Variants in CTIF observed in about 807,000 individuals in gnomAD.
CTIF encodes CBP80/20-dependent translation initiation factor.
Under a neutral mutation model 66.0 loss-of-function variants are expected in CTIF, and 21 were observed. The observed-to-expected ratio is 0.32, with a 90% CI of 0.23 to 0.46. CTIF has a LOEUF of 0.46. Ranked by LOEUF, CTIF falls within the 20% of genes least tolerant of loss-of-function variation. CTIF has a pLI of 1.00. For synonymous variants in CTIF, 345 were observed against 326.4 expected (o/e 1.06, Z -0.62); for missense variants, 739 against 812.7 (o/e 0.91, Z 1.10).
chr18:48,793,865 A>C (rs2067848963), intron 9 of CTIF, among the ~76,000 whole-genome samples: 1 of 152,220 alleles, frequency 6.6e-6, no homozygotes, highest in African/African-American at 2.4e-5. Flanking sequence ...ATTTCCAGGC[A>C]GCCAATACAC....
At chr18:48,787,159 G>T (rs1911783900) in intron 9 of CTIF, among the ~76,000 whole-genome samples, 1 of 152,076 alleles carries the variant, frequency 6.6e-6, no homozygotes, top group South Asian at 2.1e-4. Context: ...GGGGGCACCG[G>T]CCCAGAAGGA....
chr18:48,633,701 C>CAATAAATAAATAAATAAATA (rs59134064), intron 2 of CTIF, among the ~76,000 whole-genome samples: 23 of 146,004 alleles, frequency 1.6e-4, no homozygotes, highest in African/African-American at 4.4e-4. Context: ...GCCTCCATCT[C>CAATAAATAAATAAATAAATA]AATAAATAAA....
chr18:48,675,517 A>C (rs2091613592), intron 6 of CTIF, among the ~76,000 whole-genome samples: 1 of 152,328 alleles, frequency 6.6e-6, no homozygotes, highest in South Asian at 2.1e-4. Flanking sequence ...TTCACCGGCC[A>C]TGCCTCCTGG....
chr18:48,831,952 C>T (rs570197785), intron 10 of CTIF, among the ~76,000 whole-genome samples: 5 of 151,022 alleles, frequency 3.3e-5, no homozygotes, highest in Non-Finnish European at 7.4e-5. Flanking sequence ...CTGGACCAGG[C>T]GGTCTGGAGG....
At position 48,860,063 on chromosome 18, in the gene CTIF, G is replaced by A. The variant is rs535268867; in HGVS notation, c.*504G>A. 269 of 414,420 alleles carry A rather than the reference G, an allele frequency of 6.5e-4. 3 individuals carry two copies. Among genetic ancestry groups the A allele is most frequent in the South Asian group, 3.4e-3 (196 of 57,498 alleles). The allele number at this position is 414,420 out of a possible 1,614,324, so 25.7% of individuals were successfully genotyped here. A position where few individuals can be genotyped will look rare whatever the true frequency, so the allele number is the denominator to read the frequency against. The stretch of plus-strand genomic sequence containing the variant: ...AGCAGGCGACGTGTAGCAGATGTCC[G>A]GGAGGACAAAGGCAGGCACGGTCCC... On this transcript the variant is annotated 3_prime_UTR_variant, in exon 12 of 12. Coordinates refer to ENST00000256413, the MANE Select transcript of CTIF (RefSeq NM_014772.3).
chr18:48,715,934 G>A (rs2092276981), intron 7 of CTIF, among the ~76,000 whole-genome samples: 1 of 152,192 alleles, frequency 6.6e-6, no homozygotes, highest in African/African-American at 2.4e-5. Context: ...AAAGGGGCAG[G>A]CCTTGATACC....
At chr18:48,715,626 C>G (rs909022953) in intron 7 of CTIF, among the ~76,000 whole-genome samples, 1 of 152,204 alleles carries the variant, frequency 6.6e-6, no homozygotes. Flanking sequence ...AGGTCCCTCA[C>G]CGCTGGGGAG....
chr18:48,769,800 T>C (rs1476381262), intron 9 of CTIF, among the ~76,000 whole-genome samples: 1 of 152,276 alleles, frequency 6.6e-6, no homozygotes, highest in Admixed American at 6.5e-5. Context: ...TTATTTCTTC[T>C]CAACGCTTAT....
At chr18:48,645,285 A>AAAAG (rs1429886378) in intron 3 of CTIF, among the ~76,000 whole-genome samples, 3 of 151,492 alleles carry the variant, frequency 2.0e-5, no homozygotes, top group African/African-American at 7.3e-5. Context: ...AGGCAAAAAA[A>AAAAG]AAAAAAAATC....
At chr18:48,844,036 A>G (rs1390407340) in intron 10 of CTIF, among the ~76,000 whole-genome samples, 1 of 152,268 alleles carries the variant, frequency 6.6e-6, no homozygotes, top group African/African-American at 2.4e-5. Context: ...CAAAATATGT[A>G]AGCCAGGTGA....
At chr18:48,772,339 C>T (rs1910231251) in intron 9 of CTIF, among the ~76,000 whole-genome samples, 1 of 152,092 alleles carries the variant, frequency 6.6e-6, no homozygotes, top group Non-Finnish European at 1.5e-5. Context: ...ATAAAATTCA[C>T]CATCTGAACT....
At chr18:48,708,538 A>G (rs1339047401) in intron 6 of CTIF, among the ~76,000 whole-genome samples, 1 of 152,198 alleles carries the variant, frequency 6.6e-6, no homozygotes, top group Non-Finnish European at 1.5e-5. Flanking sequence ...AGTAAGGTCC[A>G]TTCACTTATC....
intron 1 of CTIF, among the ~76,000 whole-genome samples, chr18:48,549,101 A>T (rs1157241697): frequency 6.6e-6 from 1 of 152,176 alleles, no homozygotes; most frequent in African/African-American, 2.4e-5. Flanking sequence ...CATGTGGGTC[A>T]TACCTGACAC....
At chr18:48,655,113 A>C (rs11082690) in intron 3 of CTIF, among the ~76,000 whole-genome samples, 84,070 of 151,500 alleles carry the variant, frequency 0.55, 26,615 homozygotes, top group East Asian at 0.85. Context: ...CCTAGAACTT[A>C]AAGTATAATT....
At chr18:48,810,408 A>G (rs907142615) in intron 9 of CTIF, among the ~76,000 whole-genome samples, 1 of 152,114 alleles carries the variant, frequency 6.6e-6, no homozygotes, top group Non-Finnish European at 1.5e-5. Context: ...AATCTAATAC[A>G]GGTATTGTAT....
intron 10 of CTIF, among the ~76,000 whole-genome samples, chr18:48,851,668 G>A (rs2069203650): frequency 6.6e-6 from 1 of 152,118 alleles, no homozygotes; most frequent in South Asian, 2.1e-4. Context: ...CCCTCCCCGG[G>A]AGAAGCATTG....
At chr18:48,594,574 C>T (rs2089956079) in intron 1 of CTIF, among the ~76,000 whole-genome samples, 1 of 152,174 alleles carries the variant, frequency 6.6e-6, no homozygotes, top group Non-Finnish European at 1.5e-5. Flanking sequence ...CCAGCCACCA[C>T]TTTCCAACCC....
At chr18:48,588,160 C>T (rs569056855) in intron 1 of CTIF, among the ~76,000 whole-genome samples, 1 of 152,316 alleles carries the variant, frequency 6.6e-6, no homozygotes, top group South Asian at 2.1e-4. Flanking sequence ...AGTGGCAGCT[C>T]CATGGGCATT....
chr18:48,626,389 C>T (rs2090599222), intron 2 of CTIF, among the ~76,000 whole-genome samples: 2 of 151,884 alleles, frequency 1.3e-5, no homozygotes. Flanking sequence ...GCACTATCGC[C>T]CGGGCTAGAT....
Sources: gnomAD v4.1 joint callset for allele counts (sites outside exome capture counted in the v4.1 genomes callset) on GRCh38, gnomAD v4.1.1 for gene constraint, MANE v1.5 for transcripts, NCBI Gene and HGNC (gene_info 2026-07-23, HGNC 2026-07-21) for gene names.